The following CDC14B variants were observed in gnomAD, a reference collection of about 807,000 sequenced individuals.
CDC14B encodes cell division cycle 14B, also known as dual specificity protein phosphatase CDC14B.
A neutral mutation model predicts 64.2 loss-of-function variants in CDC14B; 22 were observed. The ratio of observed to expected loss-of-function variants is 0.34; its 90% confidence interval spans 0.24 to 0.49. The LOEUF is 0.49. CDC14B is among the 20% of genes least tolerant of loss of function. The pLI, the probability that CDC14B is intolerant of heterozygous loss-of-function variation, is 0.99. For missense variants in CDC14B, 498 were observed against 629.9 expected, an observed-to-expected ratio of 0.79 and a Z score of 2.24; for synonymous variants, 191 against 215.8, an observed-to-expected ratio of 0.89 and a Z score of 1.01.
intron 7 of CDC14B, among the ~76,000 whole-genome samples, chr9:96,536,791 G>A (rs1839334704): frequency 1.3e-5 from 2 of 152,204 alleles, no homozygotes; most frequent in African/African-American, 4.8e-5. Context: ...GGTAACTACA[G>A]CAGGGTAAGA....
chr9:96,611,378 C>A (rs1019329318), intron 1 of CDC14B, among the ~76,000 whole-genome samples: 3 of 152,248 alleles, frequency 2.0e-5, no homozygotes, highest in African/African-American at 7.2e-5. Context: ...CTAATACAAT[C>A]TCTTCCATAT....
rs373787065 is a variant in CDC14B at position 96,538,463 on chromosome 9, T to C, written c.627+615A>G. 2.1e-4 allele frequency among the ~76,000 whole-genome samples: 32 copies of C among 152,336 alleles called. No individual in the cohort carries two copies. In the East Asian group the frequency reaches 4.6e-3, roughly 22 times the overall value. On this transcript the variant is annotated intron_variant, in intron 7 of 13. Coordinates refer to ENST00000375241, the MANE Select transcript of CDC14B (RefSeq NM_033331.4). ...GGCCGTGCACAGTGGCACACATCTGTGATCCTAGCACTTTGGGAGGCCAAG... is the reference window on the plus strand; with the variant it reads ...GGCCGTGCACAGTGGCACACATCTGCGATCCTAGCACTTTGGGAGGCCAAG...
intron 1 of CDC14B, among the ~76,000 whole-genome samples, chr9:96,569,452 C>T (rs1189681637): frequency 6.6e-6 from 1 of 152,104 alleles, no homozygotes; most frequent in African/African-American, 2.4e-5. Context: ...AGTTCAATTC[C>T]TTAAGGAGTA....
chr9:96,598,197 A>G (rs1846207534), intron 1 of CDC14B, among the ~76,000 whole-genome samples: 1 of 152,268 alleles, frequency 6.6e-6, no homozygotes, highest in African/African-American at 2.4e-5. Flanking sequence ...AAGAATATTT[A>G]TGGCCAGTTT....
At chr9:96,507,556 C>T (rs1307510701) in intron 13 of CDC14B, among the ~76,000 whole-genome samples, 1 of 151,696 alleles carries the variant, frequency 6.6e-6, no homozygotes, top group African/African-American at 2.4e-5. Flanking sequence ...GCTGGGATTA[C>T]AGGCACCCGC....
chr9:96,531,105 G>C (rs1235644591), intron 9 of CDC14B, among the ~76,000 whole-genome samples: 1 of 152,180 alleles, frequency 6.6e-6, no homozygotes, highest in Non-Finnish European at 1.5e-5. Context: ...CTGGCCTATA[G>C]TTAGTTATCT....
At chr9:96,500,026 T>C (rs1229252000), downstream of CDC14B, 1 of 152,658 alleles carries the variant, frequency 6.6e-6, no homozygotes, top group East Asian at 1.9e-4. Flanking sequence ...CTTACACAGA[T>C]TCCGGGTTAC....
chr9:96,525,164 GA>G (rs1362661395), intron 9 of CDC14B, among the ~76,000 whole-genome samples: 1 of 152,062 alleles, frequency 6.6e-6, no homozygotes, highest in African/African-American at 2.4e-5. Context: ...GTTACAGAGA[GA>G]AAAGTCAAGG....
chr9:96,551,360 A>G (rs1341346604), intron 5 of CDC14B, among the ~76,000 whole-genome samples: 1 of 151,838 alleles, frequency 6.6e-6, no homozygotes, highest in Non-Finnish European at 1.5e-5. Flanking sequence ...GGGCTCACGC[A>G]ATCATTCCAC....
At chr9:96,616,185 G>T (rs912732133) in intron 1 of CDC14B, among the ~76,000 whole-genome samples, 1 of 152,066 alleles carries the variant, frequency 6.6e-6, no homozygotes, top group African/African-American at 2.4e-5. Flanking sequence ...AATTAGCCGG[G>T]CATGGTGGCG....
At chr9:96,573,647 GAATT>G (rs1424295106) in intron 1 of CDC14B, among the ~76,000 whole-genome samples, 1 of 151,932 alleles carries the variant, frequency 6.6e-6, no homozygotes, top group East Asian at 1.9e-4. Flanking sequence ...GCTAATAAAG[GAATT>G]AAATGTAATA....
At position 96,564,750 on chromosome 9, in the gene CDC14B, A is replaced by C. The variant is rs372580779; in HGVS notation, c.327+27T>G. On this transcript the variant is annotated intron_variant, in intron 3 of 13. Transcript: ENST00000375241. ...CCCCCAGATCAAGCTAACAATGATT[A>C]CTTAAGTCAAATCTTAAAGACTTTA... 3 of 1,381,432 alleles carry C rather than the reference A, an allele frequency of 2.2e-6. No homozygotes were observed. The African/African-American group carries it at 4.3e-5, about 20-fold the overall frequency. The allele number at this position is 1,381,432 out of a possible 1,614,324, so 85.6% of individuals were successfully genotyped here.
At chr9:96,513,323 C>T (rs922005109) in intron 12 of CDC14B, among the ~76,000 whole-genome samples, 1 of 152,208 alleles carries the variant, frequency 6.6e-6, no homozygotes, top group African/African-American at 2.4e-5. Context: ...GAGAACTCCA[C>T]TGAGCTATCA....
chr9:96,541,955 C>T, intron 5 of CDC14B, 63 bp from the exon 6 acceptor site: 2 of 1,083,734 alleles, frequency 1.8e-6, no homozygotes, highest in Non-Finnish European at 1.4e-6. Context: ...TTACCTAAGA[C>T]AAAGGTGACT....
chr9:96,552,785 A>T (rs138101396), intron 4 of CDC14B, among the ~76,000 whole-genome samples: 13 of 152,200 alleles, frequency 8.5e-5, no homozygotes, highest in African/African-American at 2.9e-4. Flanking sequence ...CCTTTCAACT[A>T]ATGTACGGAA....
chr9:96,551,111 C>CCTTTTTTTTTTTTTTTTTTTTT (rs1841744448), intron 5 of CDC14B, among the ~76,000 whole-genome samples: 1 of 93,296 alleles, frequency 1.1e-5, no homozygotes, highest in African/African-American at 4.9e-5. Context: ...TTGGGGTTTG[C>CCTTTTTTTTTTTTTTTTTTTTT]TTTTTTTTTT....
intron 1 of CDC14B, among the ~76,000 whole-genome samples, chr9:96,617,646 A>T (rs956156484): frequency 2.6e-5 from 4 of 152,210 alleles, no homozygotes; most frequent in African/African-American, 9.7e-5. Context: ...TAGTATATAT[A>T]GTATGCATGC....
chr9:96,589,861 T>C (rs928742504), intron 1 of CDC14B, among the ~76,000 whole-genome samples: 1 of 151,302 alleles, frequency 6.6e-6, no homozygotes, highest in Non-Finnish European at 1.5e-5. Flanking sequence ...CTCAGAAGGC[T>C]GAGGCAGGAG....
intron 1 of CDC14B, among the ~76,000 whole-genome samples, chr9:96,587,798 G>A (rs138194872): frequency 9.2e-4 from 140 of 152,162 alleles, no homozygotes; most frequent in Middle Eastern, 3.4e-3. Context: ...AATGTATTCC[G>A]AATCAACAAA....
Sources: allele counts gnomAD v4.1 joint callset (sites outside exome capture counted in the v4.1 genomes callset), GRCh38; gene constraint gnomAD v4.1.1; transcripts MANE v1.5; gene names NCBI Gene and HGNC (gene_info 2026-07-23, HGNC 2026-07-21).